Variants in RAD52 observed in about 807,000 individuals in gnomAD.
The protein encoded by RAD52 is DNA repair protein RAD52 homolog.
Under a neutral mutation model 55.5 loss-of-function variants are expected in RAD52, and 47 were observed. The ratio of observed to expected loss-of-function variants is 0.85; its 90% CI spans 0.67 to 1.08. The LOEUF is 1.08. Ranked by LOEUF, RAD52 falls within the 50% of genes least tolerant of loss-of-function variation. The pLI, the probability that RAD52 is intolerant of heterozygous loss-of-function variation, is 0.00. For synonymous variants in RAD52, 184 were observed against 198.9 expected (o/e 0.92, Z 0.63); for missense variants, 468 against 522.8 (o/e 0.90, Z 1.02).
intron 1 of RAD52, among the ~76,000 whole-genome samples, chr12:973,782 C>CT (rs750425355): frequency 0.059 from 6,690 of 113,426 alleles, 289 homozygotes; most frequent in East Asian, 0.14. Flanking sequence ...CCCAGTCCTT[C>CT]TTTTTTTTTT....
At position 933,890 on chromosome 12, in the gene RAD52, G is replaced by A. The variant is rs1035655115; in HGVS notation, c.-18-814C>T. 1.4e-4 allele frequency among the ~76,000 whole-genome samples: 22 copies of A among 151,994 alleles called. 1 individual carries two copies. The highest frequency in any genetic ancestry group is 5.1e-4 in the African/African-American group (21 of 41,380). On this transcript the variant is annotated intron_variant, in intron 1 of 11. Transcript: ENST00000358495. ...TAATCCTACCACCTTGGGAGGCCAA[G>A]GCAGAAGGACTGCTTGAGCCCAGGA...
rs186426578 is a variant in RAD52 at position 940,521 on chromosome 12, C to G, written c.-18-7445G>C. Among the ~76,000 whole-genome samples, 114 of 151,730 alleles carry G rather than the reference C, an allele frequency of 7.5e-4. 1 individual carries two copies. Among genetic ancestry groups the G allele is most frequent in the Middle Eastern group, 6.8e-3 (2 of 294 alleles). ...CTGAGGCAGGAGAATTGCTTGAACC[C>G]GGGAGGCAGAGGTAGCAGTGAGCAG... On this transcript the variant is annotated intron_variant, in intron 1 of 11. Transcript: ENST00000358495.
chr12:928,200 ATGC>A (rs1957142764), intron 5 of RAD52, among the ~76,000 whole-genome samples: 1 of 152,240 alleles, frequency 6.6e-6, no homozygotes, highest in South Asian at 2.1e-4. Context: ...AATAGAATTA[ATGC>A]TGAATTGTTC....
intron 1 of RAD52, among the ~76,000 whole-genome samples, chr12:985,400 C>CACCAAAGTGCTGAG (rs762282279): frequency 2.8e-4 from 42 of 152,028 alleles, no homozygotes; most frequent in Middle Eastern, 3.2e-3. Flanking sequence ...GCCTTGGCCC[C>CACCAAAGTGCTGAG]ACCAAAGTGC....
intron 1 of RAD52, among the ~76,000 whole-genome samples, chr12:982,532 T>G (rs1032961450): frequency 6.6e-6 from 1 of 152,168 alleles, no homozygotes; most frequent in Non-Finnish European, 1.5e-5. Flanking sequence ...GCCAAATTCT[T>G]TGTGGAAGAA....
chr12:950,553 C>A (rs1958501122), upstream of RAD52, among the ~76,000 whole-genome samples: 1 of 134,402 alleles, frequency 7.4e-6, no homozygotes, highest in Non-Finnish European at 1.6e-5. Context: ...GCCTGGGCGA[C>A]AGAGCGAGGC....
chr12:983,384 T>A (rs1024372152), intron 1 of RAD52, among the ~76,000 whole-genome samples: 2 of 151,022 alleles, frequency 1.3e-5, no homozygotes, highest in African/African-American at 2.4e-5. Flanking sequence ...AAGATCAAGG[T>A]GTCAGCAGGT....
chr12:986,970 A>T (rs912540441), intron 1 of RAD52, among the ~76,000 whole-genome samples: 2 of 151,696 alleles, frequency 1.3e-5, no homozygotes, highest in African/African-American at 4.8e-5. Flanking sequence ...ACTCTTTTTT[A>T]AAATTTATTT....
At chr12:965,429 T>G (rs754554819) in intron 1 of RAD52, among the ~76,000 whole-genome samples, 8 of 152,074 alleles carry the variant, frequency 5.3e-5, no homozygotes, top group Non-Finnish European at 1.2e-4. Context: ...TACAGGTTCA[T>G]CTATTTGCTT....
At chr12:948,632 T>C (rs1958389681) in intron 1 of RAD52, among the ~76,000 whole-genome samples, 1 of 151,928 alleles carries the variant, frequency 6.6e-6, no homozygotes. Flanking sequence ...TACTCCAGCC[T>C]GGGCAACAGA....
intron 1 of RAD52, among the ~76,000 whole-genome samples, chr12:981,417 G>C (rs1402341067): frequency 2.0e-5 from 3 of 152,128 alleles, no homozygotes. Context: ...GGTGATACTT[G>C]AGATATGAGT....
At chr12:939,088 A>T (rs1197611698) in intron 1 of RAD52, among the ~76,000 whole-genome samples, 5 of 56,720 alleles carry the variant, frequency 8.8e-5, no homozygotes, top group Admixed American at 6.0e-4. Flanking sequence ...GTGTGTGTAG[A>T]GAGAGAGAAA....
intron 7 of RAD52, among the ~76,000 whole-genome samples, chr12:921,666 G>A (rs561915324): frequency 1.3e-5 from 2 of 152,160 alleles, no homozygotes; most frequent in African/African-American, 4.8e-5. Flanking sequence ...TTCCAGCCTG[G>A]GTGACAGGGC....
chr12:990,629 G>C (rs973865136), upstream of RAD52: 2 of 152,264 alleles, frequency 1.3e-5, no homozygotes, highest in Admixed American at 6.5e-5. Context: ...GCGAGTCTCA[G>C]GTCAGAAGAC....
chr12:958,987 G>T (rs142227470), intron 1 of RAD52, among the ~76,000 whole-genome samples: 9 of 152,290 alleles, frequency 5.9e-5, no homozygotes, highest in Non-Finnish European at 1.2e-4. Context: ...TGGCTATTGT[G>T]TGATAGCAGC....
chr12:977,437 C>A (rs1338607298), intron 1 of RAD52, among the ~76,000 whole-genome samples: 1 of 152,186 alleles, frequency 6.6e-6, no homozygotes, highest in Non-Finnish European at 1.5e-5. Context: ...CTGGCCATGT[C>A]CCCTGAGGAA....
intron 9 of RAD52, 104 bp downstream of exon 9, chr12:916,240 T>G (rs1455123758): frequency 9.5e-5 from 145 of 1,524,806 alleles, no homozygotes; most frequent in Non-Finnish European, 1.1e-4. Context: ...CAGCGAGGCC[T>G]GGTTTGGAGC....
At chr12:971,898 G>A (rs577379537) in intron 1 of RAD52, among the ~76,000 whole-genome samples, 2 of 152,188 alleles carry the variant, frequency 1.3e-5, no homozygotes, top group African/African-American at 2.4e-5. Context: ...ACAGGCACCC[G>A]CTGCCTTGGC....
intron 1 of RAD52, among the ~76,000 whole-genome samples, chr12:959,070 T>C (rs545455797): frequency 2.6e-5 from 4 of 152,274 alleles, no homozygotes; most frequent in African/African-American, 7.2e-5. Context: ...CTTAATACTT[T>C]CACAGGAGAG....
Sources: allele counts gnomAD v4.1 joint callset (sites outside exome capture counted in the v4.1 genomes callset), GRCh38; gene constraint gnomAD v4.1.1; transcripts MANE v1.5; gene names NCBI Gene and HGNC (gene_info 2026-07-23, HGNC 2026-07-21).